Variants in RPL35 observed in about 807,000 individuals in gnomAD.
The protein encoded by RPL35 is ribosomal protein L35.
Under a neutral mutation model 15.6 loss-of-function variants are expected in RPL35, and 2 were observed. The observed-to-expected ratio is 0.13, with a 90% CI of 0.05 to 0.40. RPL35 has a LOEUF of 0.40. RPL35 is among the 10% of genes least tolerant of loss of function. The pLI, the probability that RPL35 is intolerant of heterozygous loss-of-function variation, is 0.99. For missense variants in RPL35, 111 were observed against 164.7 expected (o/e 0.67, Z 1.79); for synonymous variants, 93 against 67.9 (o/e 1.37, Z -1.82).
At chr9:124,860,089 G>T in intron 3 of RPL35, 94 bp downstream of exon 3, 3 of 899,196 alleles carry the variant, frequency 3.3e-6, no homozygotes, top group Non-Finnish European at 5.6e-6. Flanking sequence ...CTCAGCCCAC[G>T]CACCAAGAAA....
Position 124,858,065 on chromosome 9 carries a change from G to A in RPL35, c.225C>T (p.Gly75=). 1 of 1,612,152 alleles carries A rather than the reference G, an allele frequency of 6.2e-7. No individual in the cohort carries two copies. The highest frequency in any genetic ancestry group is 1.1e-5 in the South Asian group (1 of 90,962). ...GCAGGTCCAGGGGCTTGTACTTCTT[G>A]CCCTGGGAGACAGACGGCAGGGTGA... ...QKENLRKFYK[G]KKYKPLDLRP... The change falls in exon 4 of 4, where the codon GGC becomes GGT. Residue 75 remains glycine (G), a splice_region_variant and synonymous_variant. Transcript: ENST00000348462.
chr9:124,861,728 G>T, intron 1 of RPL35, 173 bp from the exon 2 acceptor site: 2 of 1,314,438 alleles, frequency 1.5e-6, no homozygotes, highest in East Asian at 2.6e-5. Flanking sequence ...AGTAACCCAG[G>T]CCCGGGCCGC....
intron 2 of RPL35, 31 bp downstream of exon 2, chr9:124,861,388 A>C: frequency 6.3e-7 from 1 of 1,597,836 alleles, no homozygotes; most frequent in South Asian, 1.1e-5. Flanking sequence ...CTCCCCACCC[A>C]CGAGGGCTGT....
At position 124,861,435 on chromosome 9, in the gene RPL35, A is replaced by G; in HGVS notation, c.124T>C (p.Ser42Pro). ...CTCACTTACATCTTAGAGAGCTTGG[A>G]GGCCGCACCGCCTGTCACTTTGGCG... ...RVAKVTGGAA[S>P]KLSKIRVVRK... is the part of the protein sequence containing the mutation. Residue 42 changes from serine to proline, a missense_variant, in exon 2 of 4, where the codon TCC (serine) becomes CCC (proline). Physicochemically the swap from Ser to Pro is moderately conservative, Grantham distance 74. Coordinates refer to ENST00000348462, the MANE Select transcript of RPL35 (RefSeq NM_007209.4). 1 of 1,613,284 alleles carries G rather than the reference A, an allele frequency of 6.2e-7. No homozygotes were observed. The highest frequency in any genetic ancestry group is 2.2e-5 in the East Asian group (1 of 44,876).
In RPL35 at chr9:124,858,115, C is replaced by T. The variant is rs201835695; in HGVS notation, c.223-48G>A. The T allele has an allele frequency of 4.0e-5, 64 of 1,590,538 alleles. No homozygotes were observed. The East Asian group carries it at 1.4e-3, about 36-fold the overall frequency. The stretch of plus-strand genomic sequence containing the variant: ...AATCCAAGGACCCAGGGCTGAGGAG[C>T]TACTGCAGCAGCTAAGGGGGCTGGG... On this transcript the variant is annotated intron_variant, in intron 3 of 3. Coordinates refer to ENST00000348462, the MANE Select transcript of RPL35 (RefSeq NM_007209.4).
Position 124,857,926 on chromosome 9 carries a change from T to C in RPL35, c.364A>G (p.Lys122Glu), listed in dbSNP as rs1829129842. ...TATTGACAATGCGCCCCTCAGGCCT[T>C]GACCGCGTACTTCCGCAGCGGGTAC... is the stretch of plus-strand genomic sequence containing the variant. ...RLYPLRKYAV[K>E]A Residue 122 changes from lysine (K) to glutamate (E), a missense_variant, in exon 4 of 4, where the codon AAG becomes GAG. Lys to Glu is a moderately conservative substitution (Grantham distance 56). Transcript: ENST00000348462. 6.2e-7 allele frequency: 1 copy of C among 1,612,252 alleles called. No individual in the cohort carries two copies. Among genetic ancestry groups the C allele is most frequent in the Non-Finnish European group, 8.5e-7 (1 of 1,180,028 alleles).
intron 3 of RPL35, chr9:124,858,632 G>GCCATCA: frequency 1.5e-6 from 1 of 646,486 alleles, no homozygotes; most frequent in Non-Finnish European, 2.9e-6. Flanking sequence ...CTGTCACAGA[G>GCCATCA]CCATCATCTG....
At chr9:124,858,192 C>G (rs1322700748) in intron 3 of RPL35, 125 bp from the exon 4 acceptor site, 1 of 691,652 alleles carries the variant, frequency 1.4e-6, no homozygotes, top group African/African-American at 3.6e-5. Flanking sequence ...GGACTGCCAG[C>G]AGGCCACACA....
At chr9:124,861,371 A>T in intron 2 of RPL35, 48 bp downstream of exon 2, 1 of 1,577,364 alleles carries the variant, frequency 6.3e-7, no homozygotes, top group Non-Finnish European at 8.6e-7. Flanking sequence ...ATCCCGATGC[A>T]CACGTGCTCC....
At chr9:124,860,299 A>G (rs766766541) in intron 2 of RPL35, 35 bp from the exon 3 acceptor site, 4 of 1,531,238 alleles carry the variant, frequency 2.6e-6, no homozygotes, top group Non-Finnish European at 3.6e-6. Context: ...GATAGGGAAG[A>G]CACATAGCAC....
chr9:124,860,575 G>C (rs930973818), intron 2 of RPL35, among the ~76,000 whole-genome samples: 6 of 152,208 alleles, frequency 3.9e-5, no homozygotes, highest in African/African-American at 1.4e-4. Context: ...TGATGGGAAG[G>C]AATCATGCCA....
intron 2 of RPL35, chr9:124,861,211 G>C: frequency 1.6e-6 from 1 of 608,540 alleles, no homozygotes; most frequent in Admixed American, 3.0e-5. Flanking sequence ...CATTAAGATG[G>C]GTCTCCGGGG....
At chr9:124,860,120 G>A (rs1374727328) in intron 3 of RPL35, 63 bp downstream of exon 3, 16 of 1,231,390 alleles carry the variant, frequency 1.3e-5, no homozygotes, top group Admixed American at 1.7e-5. Context: ...CCATGTCCCC[G>A]GCCAGGGACG....
chr9:124,860,051 C>A, intron 3 of RPL35, 132 bp downstream of exon 3: 1 of 696,508 alleles, frequency 1.4e-6, no homozygotes, highest in South Asian at 1.6e-5. Flanking sequence ...AGAGTGAGCC[C>A]AGCAACAAAT....
At chr9:124,860,289 G>A (rs773787611) in intron 2 of RPL35, 25 bp from the exon 3 acceptor site, 2 of 1,591,172 alleles carry the variant, frequency 1.3e-6, no homozygotes, top group African/African-American at 2.7e-5. Context: ...TGTCAGTGAA[G>A]ATAGGGAAGA....
intron 3 of RPL35, 105 bp downstream of exon 3, chr9:124,860,076 ACT>A (rs1256706137): frequency 1.1e-5 from 9 of 809,158 alleles, no homozygotes; most frequent in African/African-American, 6.7e-5. Context: ...AAGGCTAACC[ACT>A]CTCAGCCCAC....
chr9:124,860,317 G>C, intron 2 of RPL35, 53 bp from the exon 3 acceptor site: 10 of 1,399,908 alleles, frequency 7.1e-6, no homozygotes, highest in Non-Finnish European at 1.0e-5. Context: ...CACTACCCAA[G>C]ACTCAGGACT....
intron 2 of RPL35, among the ~76,000 whole-genome samples, chr9:124,860,644 A>T (rs948157484): frequency 6.6e-6 from 1 of 152,230 alleles, no homozygotes; most frequent in East Asian, 1.9e-4. Flanking sequence ...AGACATTTGC[A>T]AAGTGGAGTC....
At chr9:124,858,934 C>T (rs1410359923) in intron 3 of RPL35, among the ~76,000 whole-genome samples, 2 of 152,232 alleles carry the variant, frequency 1.3e-5, no homozygotes, top group Non-Finnish European at 2.9e-5. Context: ...GCAGAAAGAT[C>T]CTGGACAATG....
Sources: allele counts gnomAD v4.1 joint callset (sites outside exome capture counted in the v4.1 genomes callset), GRCh38; gene constraint gnomAD v4.1.1; transcripts MANE v1.5; gene names NCBI Gene and HGNC (gene_info 2026-07-23, HGNC 2026-07-21).